AGBL4: variants seen among roughly 807,000 people sequenced by gnomAD.
AGBL4 encodes the protein AGBL carboxypeptidase 4, also known as cytosolic carboxypeptidase 6.
In AGBL4, 58 loss-of-function variants were observed where a neutral mutation model predicts 66.4. The observed-to-expected ratio is 0.87, with a 90% CI of 0.71 to 1.09. The LOEUF is 1.09. AGBL4 is among the 50% of genes least tolerant of loss of function. AGBL4 has a pLI of 0.00. For missense variants in AGBL4, 579 were observed against 631.0 expected (o/e 0.92, Z 0.88); for synonymous variants, 234 against 222.9 (o/e 1.05, Z -0.44).
chr1:49,632,863 CAA>C (rs948188813), intron 3 of AGBL4, among the ~76,000 whole-genome samples: 1 of 152,058 alleles, frequency 6.6e-6, no homozygotes, highest in Non-Finnish European at 1.5e-5. Context: ...ATCACGAGAT[CAA>C]GAGATAGAGA....
At chr1:49,925,839 G>A (rs932920828) in intron 1 of AGBL4, among the ~76,000 whole-genome samples, 3 of 152,158 alleles carry the variant, frequency 2.0e-5, no homozygotes, top group African/African-American at 7.2e-5. Flanking sequence ...TTGTGTCTTG[G>A]ATGCCAGCTC....
chr1:49,320,543 C>T (rs574378390), intron 3 of AGBL4, among the ~76,000 whole-genome samples: 20 of 152,190 alleles, frequency 1.3e-4, no homozygotes, highest in African/African-American at 2.4e-4. Context: ...TATGAAAATG[C>T]GAGATCTCCT....
At chr1:48,668,393 C>A (rs550631086) in intron 6 of AGBL4, among the ~76,000 whole-genome samples, 1 of 148,872 alleles carries the variant, frequency 6.7e-6, no homozygotes, top group African/African-American at 2.5e-5. Context: ...TTCAGCAGTG[C>A]TCTATTGTTT....
rs1250297717 is a variant in AGBL4 at position 49,179,095 on chromosome 1, T to G, written c.377+66675A>C. Among the ~76,000 whole-genome samples the G allele has an allele frequency of 2.6e-5, 4 of 152,338 alleles. No homozygotes were observed. In the East Asian group the frequency reaches 7.7e-4, roughly 29 times the overall value. ...ATTGAGGCTTTCATTATTATTTCCA[T>G]AATGCTAAGAGTACTGGGAAACCAT... On this transcript the variant is annotated intron_variant, in intron 4 of 13. Coordinates refer to ENST00000371839, the MANE Select transcript of AGBL4 (RefSeq NM_032785.4).
intron 6 of AGBL4, among the ~76,000 whole-genome samples, chr1:48,671,641 G>A (rs1042823209): frequency 6.6e-6 from 1 of 152,190 alleles, no homozygotes; most frequent in Non-Finnish European, 1.5e-5. Flanking sequence ...ATGACTTGAT[G>A]CATAGTAAGT....
intron 4 of AGBL4, among the ~76,000 whole-genome samples, chr1:49,238,126 T>C (rs1009609205): frequency 2.0e-4 from 31 of 152,196 alleles, no homozygotes; most frequent in African/African-American, 7.0e-4. Context: ...ATTCTTTCTT[T>C]GTCTTTAATT....
intron 6 of AGBL4, among the ~76,000 whole-genome samples, chr1:48,812,974 A>T (rs1319244503): frequency 2.7e-5 from 4 of 147,654 alleles, no homozygotes; most frequent in African/African-American, 1.0e-4. Context: ...GTGGGGGGAG[A>T]GGGGAGGGAT....
intron 3 of AGBL4, among the ~76,000 whole-genome samples, chr1:49,570,422 C>T (rs1644303524): frequency 6.6e-6 from 1 of 152,138 alleles, no homozygotes. Context: ...CCTTTGCCCA[C>T]TTTTTAATTG....
At chr1:49,391,557 T>C (rs1644846950) in intron 3 of AGBL4, among the ~76,000 whole-genome samples, 1 of 85,538 alleles carries the variant, frequency 1.2e-5, no homozygotes, top group Admixed American at 2.1e-4. Context: ...TGAGTTTTTT[T>C]TTTTTGTTTT....
Position 48,630,645 on chromosome 1 carries a change from C to T in AGBL4, c.951+3848G>A, listed in dbSNP as rs1450534243. On this transcript the variant is annotated intron_variant, in intron 9 of 13. Transcript: ENST00000371839. ...TCACTGTCTCTAGTTCGGCACCGTC[C>T]GAATTTATTTTTCTAACAGGCACCA... 1.3e-5 allele frequency among the ~76,000 whole-genome samples: 2 copies of T among 152,162 alleles called. 1 individual carries two copies. Among genetic ancestry groups the T allele is most frequent in the East Asian group, 3.8e-4 (2 of 5,202 alleles).
At chr1:49,716,482 G>A (rs1349754801) in intron 2 of AGBL4, among the ~76,000 whole-genome samples, 3 of 151,558 alleles carry the variant, frequency 2.0e-5, no homozygotes, top group East Asian at 3.9e-4. Context: ...TTTTCTAATT[G>A]TGTGAAGAAA....
intron 3 of AGBL4, among the ~76,000 whole-genome samples, chr1:49,627,923 G>C (rs553699448): frequency 1.3e-5 from 2 of 152,282 alleles, no homozygotes; most frequent in African/African-American, 4.8e-5. Flanking sequence ...CCATAAGGCA[G>C]TTACTTATGA....
intron 4 of AGBL4, among the ~76,000 whole-genome samples, chr1:49,116,908 AC>A (rs1645536116): frequency 6.6e-6 from 1 of 152,054 alleles, no homozygotes; most frequent in South Asian, 2.1e-4. Context: ...TTAATGATTG[AC>A]ATTCTAACTG....
At chr1:49,729,452 A>C (rs925201434) in intron 2 of AGBL4, among the ~76,000 whole-genome samples, 1 of 152,228 alleles carries the variant, frequency 6.6e-6, no homozygotes, top group African/African-American at 2.4e-5. Context: ...ATAAAAAATG[A>C]AAATACAGAT....
intron 4 of AGBL4, among the ~76,000 whole-genome samples, chr1:49,053,406 A>C (rs1386499288): frequency 6.6e-6 from 1 of 152,126 alleles, no homozygotes; most frequent in Non-Finnish European, 1.5e-5. Context: ...CAGTTTCCAA[A>C]TGGTGGTGTG....
intron 4 of AGBL4, among the ~76,000 whole-genome samples, chr1:49,189,586 T>G (rs1370048857): frequency 6.6e-6 from 1 of 152,198 alleles, no homozygotes; most frequent in Non-Finnish European, 1.5e-5. Context: ...TTAAATGTCC[T>G]CTTTTGTATT....
At chr1:49,394,642 T>G (rs1215967562) in intron 3 of AGBL4, among the ~76,000 whole-genome samples, 2 of 152,194 alleles carry the variant, frequency 1.3e-5, no homozygotes, top group African/African-American at 4.8e-5. Context: ...AAAAGTTTCT[T>G]AAATTGAGAA....
chr1:49,263,728 G>GCTT (rs1557782013), intron 3 of AGBL4, among the ~76,000 whole-genome samples: 3 of 152,088 alleles, frequency 2.0e-5, no homozygotes, highest in Non-Finnish European at 4.4e-5. Flanking sequence ...CTCTTTAGAG[G>GCTT]GGTACTTGAC....
At chr1:49,907,189 A>C (rs1252682851) in intron 1 of AGBL4, among the ~76,000 whole-genome samples, 2 of 152,134 alleles carry the variant, frequency 1.3e-5, no homozygotes, top group Non-Finnish European at 2.9e-5. Flanking sequence ...TAACTTAACT[A>C]AGTGCCTAGT....
Sources: gnomAD v4.1 joint callset for allele counts (sites outside exome capture counted in the v4.1 genomes callset) on GRCh38, gnomAD v4.1.1 for gene constraint, MANE v1.5 for transcripts, NCBI Gene and HGNC (gene_info 2026-07-23, HGNC 2026-07-21) for gene names.